Variants in NCKAP5 observed in about 807,000 individuals in gnomAD.
NCKAP5 encodes NCK associated protein 5, also known as nck-associated protein 5.
NCKAP5 carries 92 observed loss-of-function variants against 167.0 expected under a neutral mutation model. That is an observed-to-expected ratio of 0.55 (90% confidence interval 0.47 to 0.66). NCKAP5 has a LOEUF of 0.66. NCKAP5 is among the 30% of genes least tolerant of loss of function. NCKAP5 has a pLI of 0.00. For synonymous variants in NCKAP5, 891 were observed against 877.4 expected (o/e 1.02, Z -0.27); for missense variants, 2,378 against 2,315.0 (o/e 1.03, Z -0.56).
At chr2:133,343,462 T>C (rs1031499229) in intron 3 of NCKAP5, among the ~76,000 whole-genome samples, 3 of 151,864 alleles carry the variant, frequency 2.0e-5, no homozygotes, top group African/African-American at 7.2e-5. Flanking sequence ...AGCAGAGGAT[T>C]ATCACAGAGG....
At chr2:132,695,779 TC>T (rs1687250343) in intron 19 of NCKAP5, among the ~76,000 whole-genome samples, 1 of 152,132 alleles carries the variant, frequency 6.6e-6, no homozygotes, top group African/African-American at 2.4e-5. Context: ...TATTTGCATT[TC>T]CCCCATCTGT....
rs777700503 is a variant in NCKAP5 at position 132,781,072 on chromosome 2, C to A, written c.5029G>T (p.Glu1677Ter). 6.2e-7 allele frequency: 1 copy of A among 1,613,290 alleles called. No individual in the cohort carries two copies. Among genetic ancestry groups the A allele is most frequent in the Non-Finnish European group, 8.5e-7 (1 of 1,179,606 alleles). ...CTTACCAGGGAGTCTTTTGGTACTT[C>A]CATATCGGCTTTGATTTTCATGTTT... ...KKNMKIKADM[E>*]VPKDSLVKEA... is the part of the protein sequence containing the mutation. Residue 1677 changes from glutamate to a stop codon, truncating the protein, a stop_gained, in exon 15 of 20, where the codon GAA becomes TAA. Coordinates refer to ENST00000409261, the MANE Select transcript of NCKAP5 (RefSeq NM_207363.3). LOFTEE classifies it high-confidence loss of function.
At chr2:132,738,796 G>A (rs907299315) in intron 16 of NCKAP5, among the ~76,000 whole-genome samples, 1 of 151,852 alleles carries the variant, frequency 6.6e-6, no homozygotes, top group African/African-American at 2.4e-5. Flanking sequence ...GTGTTACATG[G>A]TGAGAGAGGG....
intron 3 of NCKAP5, among the ~76,000 whole-genome samples, chr2:133,358,265 T>A (rs1011742541): frequency 6.6e-6 from 1 of 152,276 alleles, no homozygotes; most frequent in African/African-American, 2.4e-5. Flanking sequence ...TCAGTTATTA[T>A]CCCAATAAAA....
chr2:133,434,580 T>C (rs1690355643), intron 3 of NCKAP5, among the ~76,000 whole-genome samples: 1 of 152,214 alleles, frequency 6.6e-6, no homozygotes, highest in Non-Finnish European at 1.5e-5. Flanking sequence ...CATAGTGTTG[T>C]TGTAAAAATG....
intron 11 of NCKAP5, among the ~76,000 whole-genome samples, chr2:132,842,007 C>T (rs1018939179): frequency 1.3e-5 from 2 of 152,070 alleles, no homozygotes; most frequent in African/African-American, 4.8e-5. Context: ...TAAAGTTATG[C>T]TGGCTTAACC....
At chr2:133,592,565 A>G in the NCKAP5 span, among the ~76,000 whole-genome samples, 2 of 152,336 alleles carry the variant, frequency 1.3e-5, no homozygotes, top group African/African-American at 4.8e-5. Context: ...TTATTAGGAT[A>G]CCAACAACAA....
chr2:133,084,374 A>C (rs2080913238), intron 6 of NCKAP5, among the ~76,000 whole-genome samples: 1 of 152,172 alleles, frequency 6.6e-6, no homozygotes. Context: ...AAGAAACAAA[A>C]TATCATGGAT....
chr2:132,862,786 A>T (rs1201987218), intron 10 of NCKAP5, among the ~76,000 whole-genome samples: 2 of 151,886 alleles, frequency 1.3e-5, no homozygotes, highest in Admixed American at 1.3e-4. Flanking sequence ...AAACCAAAAA[A>T]AAACAAAGGT....
chr2:132,673,245 G>C lies in NCKAP5; in HGVS notation c.*44C>G. 1 of 1,496,428 alleles carries C rather than the reference G, an allele frequency of 6.7e-7. No homozygotes were observed. The allele number at this position is 1,496,428 out of a possible 1,614,324, so 92.7% of individuals were successfully genotyped here. On this transcript the variant is annotated 3_prime_UTR_variant, in exon 20 of 20. Transcript: ENST00000409261. ...CTGTTAAATTTATTGAATGACTCTA[G>C]GGAAATTTTCGATAATCTATTCTCG...
At chr2:133,149,533 C>A (rs890367900) in intron 5 of NCKAP5, among the ~76,000 whole-genome samples, 4 of 147,492 alleles carry the variant, frequency 2.7e-5, no homozygotes, top group African/African-American at 9.9e-5. Context: ...GCAACAAATA[C>A]CTATCTTGGA....
intron 3 of NCKAP5, among the ~76,000 whole-genome samples, chr2:133,415,443 G>A (rs1351054541): frequency 1.3e-5 from 2 of 152,254 alleles, no homozygotes; most frequent in Non-Finnish European, 2.9e-5. Context: ...GGCATCTGGT[G>A]ACGCCATGAG....
chr2:132,903,232 T>C (rs1289858738), intron 8 of NCKAP5, among the ~76,000 whole-genome samples: 3 of 152,156 alleles, frequency 2.0e-5, no homozygotes, highest in African/African-American at 7.2e-5. Flanking sequence ...AAACCAAAAA[T>C]GCAGTTCCTC....
chr2:132,986,827 A>AT, intron 7 of NCKAP5, among the ~76,000 whole-genome samples: 1 of 152,300 alleles, frequency 6.6e-6, no homozygotes, highest in Admixed American at 6.5e-5. Flanking sequence ...CCTGACAGCA[A>AT]TAACTTAAGC....
rs182832578 is a variant in NCKAP5 at position 133,561,850 on chromosome 2, A to G, written c.-129-2733T>C. Among the ~76,000 whole-genome samples, 576 of 152,326 alleles carry G rather than the reference A, an allele frequency of 3.8e-3. 6 individuals carry two copies. The highest frequency in any genetic ancestry group is 0.013 in the African/African-American group (548 of 41,574). ...GCTGTTGGAGCAACTGGGAAACTTC[A>G]GCTATAGGGTCTTAGAAAACTAAGT... On this transcript the variant is annotated intron_variant, in intron 1 of 19. Transcript: ENST00000409261.
chr2:133,037,530 A>C (rs2079077408), intron 6 of NCKAP5, among the ~76,000 whole-genome samples: 1 of 152,190 alleles, frequency 6.6e-6, no homozygotes, highest in South Asian at 2.1e-4. Flanking sequence ...AAAGGTGCTA[A>C]GAACATACAC....
At chr2:132,773,970 G>T in intron 15 of NCKAP5, 76 bp from the exon 16 acceptor site, 1 of 1,240,532 alleles carries the variant, frequency 8.1e-7, no homozygotes, top group Non-Finnish European at 1.2e-6. Flanking sequence ...CAGAGTAATG[G>T]TACATTCTAT....
rs552184618 is a variant in NCKAP5 at position 132,912,916 on chromosome 2, T to C, written c.580-34000A>G. ...TGAAATGATATAGAATTTTTTTCTA[T>C]ATCAACAACTTCACAAATTTCCAGT... On this transcript the variant is annotated intron_variant, in intron 8 of 19. Transcript: ENST00000409261. Among the ~76,000 whole-genome samples the C allele has an allele frequency of 8.3e-4, 126 of 152,324 alleles. 1 individual carries two copies. The highest frequency in any genetic ancestry group is 2.2e-3 in the Admixed American group (34 of 15,310).
At chr2:133,123,907 T>A (rs2082323989) in intron 6 of NCKAP5, 1 of 419,568 alleles carries the variant, frequency 2.4e-6, no homozygotes. Context: ...CACACTTCTA[T>A]GCCAGGTGCC....
Sources: gnomAD v4.1 joint callset for allele counts (sites outside exome capture counted in the v4.1 genomes callset) on GRCh38, gnomAD v4.1.1 for gene constraint, MANE v1.5 for transcripts, NCBI Gene and HGNC (gene_info 2026-07-23, HGNC 2026-07-21) for gene names.